The following FAM193A variants were observed in gnomAD, a reference collection of about 807,000 sequenced individuals.
FAM193A encodes protein FAM193A.
A neutral mutation model predicts 126.5 loss-of-function variants in FAM193A; 22 were observed. The ratio of observed to expected loss-of-function variants is 0.17; its 90% CI spans 0.12 to 0.25. The LOEUF is 0.25. FAM193A is among the 10% of genes least tolerant of loss of function. The probability of loss-of-function intolerance (pLI) is 1.00; values close to 1 mark genes in which losing one functional copy is unlikely to be tolerated. For missense variants in FAM193A, 1,675 were observed against 1,672.8 expected (o/e 1.00, Z -0.02); for synonymous variants, 761 against 646.8 (o/e 1.18, Z -2.68).
intron 7 of FAM193A, chr4:2,655,130 G>GT: frequency 1.4e-6 from 1 of 697,820 alleles, no homozygotes; most frequent in East Asian, 2.7e-5. Context: ...AGGGGCTGCT[G>GT]TGAGTGTTTC....
At chr4:2,552,683 G>A (rs938197583) in intron 1 of FAM193A, among the ~76,000 whole-genome samples, 2 of 151,418 alleles carry the variant, frequency 1.3e-5, no homozygotes, top group Admixed American at 6.6e-5. Flanking sequence ...GACTACAGGC[G>A]CCCACCACCA....
At chr4:2,729,241 C>T (rs977300871) in intron 20 of FAM193A, among the ~76,000 whole-genome samples, 3 of 152,096 alleles carry the variant, frequency 2.0e-5, no homozygotes, top group Non-Finnish European at 4.4e-5. Flanking sequence ...TGGTGTGTGA[C>T]CTTCCAGGTA....
chr4:2,684,723 G>A (rs754010150), intron 13 of FAM193A, among the ~76,000 whole-genome samples: 1 of 152,112 alleles, frequency 6.6e-6, no homozygotes, highest in Non-Finnish European at 1.5e-5. Context: ...GATGGTGTAC[G>A]GCTGTTCCTT....
chr4:2,678,447 C>G (rs1250010792), intron 13 of FAM193A, among the ~76,000 whole-genome samples: 3 of 150,554 alleles, frequency 2.0e-5, no homozygotes, highest in African/African-American at 4.9e-5. Flanking sequence ...ACTGCACCCT[C>G]CACCACCCAG....
At chr4:2,552,270 C>G (rs575498147) in intron 1 of FAM193A, among the ~76,000 whole-genome samples, 66 of 151,976 alleles carry the variant, frequency 4.3e-4, no homozygotes, top group Admixed American at 2.4e-3. Context: ...CTCGGCCTCC[C>G]AAAGTGCTGG....
chr4:2,596,821 G>C (rs1161415359), intron 2 of FAM193A, among the ~76,000 whole-genome samples: 1 of 152,164 alleles, frequency 6.6e-6, no homozygotes, highest in African/African-American at 2.4e-5. Flanking sequence ...GTGGGCCCTT[G>C]TTCCGGGCAG....
chr4:2,701,368 T>C (rs1717715750), intron 19 of FAM193A, among the ~76,000 whole-genome samples: 3 of 152,120 alleles, frequency 2.0e-5, no homozygotes, highest in Admixed American at 2.0e-4. Context: ...TTAATTTCCT[T>C]TCCTTTGGAT....
Position 2,662,975 on chromosome 4 carries a change from T to G in FAM193A, c.1883T>G (p.Met628Arg). ...GAATTGAATGGTGGCGGGGAAAACA[T>G]GGCCCTGAAGGATGAGGTATGGACA... The part of the protein sequence containing the change: ...HSELNGGGEN[M>R]ALKDESPQIS... The change falls in exon 11 of 21, where the codon ATG (methionine) becomes AGG (arginine). Residue 628 changes from methionine (M) to arginine (R), a missense_variant. This residue lies in a region of FAM193A where 1,186 missense variants were observed against 1,109.2 expected (regional missense o/e 1.07). Coordinates refer to ENST00000637812, the MANE Select transcript of FAM193A (RefSeq NM_001366318.2). 1 of 1,613,026 alleles carries G rather than the reference T, an allele frequency of 6.2e-7. No homozygotes were observed. Among genetic ancestry groups the G allele is most frequent in the Non-Finnish European group, 8.5e-7 (1 of 1,179,116 alleles).
At chr4:2,665,463 C>G (rs1362109581) in intron 12 of FAM193A, among the ~76,000 whole-genome samples, 1 of 152,148 alleles carries the variant, frequency 6.6e-6, no homozygotes, top group Non-Finnish European at 1.5e-5. Flanking sequence ...GGATGCAATG[C>G]TTTTAATCTT....
rs544576706 is a variant in FAM193A at position 2,700,462 on chromosome 4, G to A, written c.4290G>A (p.Leu1430=). 1.7e-5 allele frequency: 28 copies of A among 1,614,192 alleles called. No individual in the cohort carries two copies. The South Asian group carries it at 3.0e-4, about 17-fold the overall frequency. Reference sequence around the variant, plus strand: ...GTGAGCATCAGCAGAACAGCAAGCTGGTGCTGGCAGAGTCCCCTCAGCCAA... The same window carrying A: ...GTGAGCATCAGCAGAACAGCAAGCTAGTGCTGGCAGAGTCCCCTCAGCCAA... ...SPGEHQQNSK[L]VLAESPQPKG... Residue 1430 remains leucine (L), a synonymous_variant, in exon 19 of 21, where the codon CTG becomes CTA. Transcript: ENST00000637812.
At chr4:2,683,082 T>A (rs1354802155) in intron 13 of FAM193A, among the ~76,000 whole-genome samples, 1 of 152,176 alleles carries the variant, frequency 6.6e-6, no homozygotes, top group Admixed American at 6.5e-5. Context: ...TCCTTCACTT[T>A]TGAAGGATAA....
chr4:2,581,444 G>C (rs893511916), intron 1 of FAM193A, among the ~76,000 whole-genome samples: 3 of 150,974 alleles, frequency 2.0e-5, no homozygotes, highest in African/African-American at 7.3e-5. Context: ...TAGTACAGAT[G>C]GGGTTTCACC....
At chr4:2,570,750 C>G (rs933037278) in intron 1 of FAM193A, among the ~76,000 whole-genome samples, 5 of 152,110 alleles carry the variant, frequency 3.3e-5, no homozygotes, top group African/African-American at 1.2e-4. Context: ...AGCTCCTCCT[C>G]AGATCAGGGC....
chr4:2,624,821 C>T (rs1742794783), intron 2 of FAM193A, among the ~76,000 whole-genome samples: 1 of 152,158 alleles, frequency 6.6e-6, no homozygotes, highest in African/African-American at 2.4e-5. Flanking sequence ...GGATTACAGG[C>T]GTGAACCGCC....
intron 3 of FAM193A, 115 bp from the exon 4 acceptor site, chr4:2,626,295 C>A: frequency 1.6e-6 from 1 of 627,242 alleles, no homozygotes; most frequent in Non-Finnish European, 2.9e-6. Flanking sequence ...TGATTGCCGG[C>A]TCCTGGGAGC....
intron 19 of FAM193A, among the ~76,000 whole-genome samples, chr4:2,705,436 A>G (rs897914726): frequency 6.6e-6 from 1 of 150,594 alleles, no homozygotes; most frequent in Non-Finnish European, 1.5e-5. Context: ...GAACACACCC[A>G]TGCTGCCTTC....
At chr4:2,631,537 GT>G (rs1743587493) in intron 5 of FAM193A, among the ~76,000 whole-genome samples, 1 of 152,206 alleles carries the variant, frequency 6.6e-6, no homozygotes, top group Non-Finnish European at 1.5e-5. Context: ...TTTCGTTGCT[GT>G]AGACAGAGCT....
chr4:2,663,029 A>G (rs1443043946), intron 11 of FAM193A, 38 bp downstream of exon 11: 2 of 1,598,386 alleles, frequency 1.3e-6, no homozygotes, highest in African/African-American at 2.7e-5. Context: ...AATAAATGAC[A>G]TAAAATGATG....
chr4:2,647,366 G>C (rs1296224070), intron 7 of FAM193A, among the ~76,000 whole-genome samples: 1 of 151,992 alleles, frequency 6.6e-6, no homozygotes, highest in Non-Finnish European at 1.5e-5. Flanking sequence ...GGCTGGTCTC[G>C]AACTCCCGAC....
Sources: gnomAD v4.1 joint callset for allele counts (sites outside exome capture counted in the v4.1 genomes callset) on GRCh38, gnomAD v4.1.1 for gene constraint, gnomAD v4.1.1 regional missense constraint, MANE v1.5 for transcripts, NCBI Gene and HGNC (gene_info 2026-07-23, HGNC 2026-07-21) for gene names.